The following DRICH1 variants were observed in gnomAD, a reference collection of about 807,000 sequenced individuals.
DRICH1 encodes aspartate-rich protein 1.
Under a neutral mutation model 39.5 loss-of-function variants are expected in DRICH1, and 38 were observed. The observed-to-expected ratio is 0.96, with a 90% CI of 0.74 to 1.26. The LOEUF is 1.26. DRICH1 is among the 50% of genes most tolerant of loss of function. The probability of loss-of-function intolerance (pLI) is 0.00; values close to 1 mark genes in which losing one functional copy is unlikely to be tolerated. For missense variants in DRICH1, 279 were observed against 270.4 expected, an observed-to-expected ratio of 1.03 and a Z score of -0.22; for synonymous variants, 84 against 99.5, an observed-to-expected ratio of 0.84 and a Z score of 0.93.
chr22:23,630,278 G>C (rs750382179), intron 1 of DRICH1, among the ~76,000 whole-genome samples: 1 of 152,192 alleles, frequency 6.6e-6, no homozygotes, highest in Non-Finnish European at 1.5e-5. Flanking sequence ...GGAACTCCCT[G>C]GTGTGGGGTC....
At chr22:23,581,779 G>A in the DRICH1 span, among the ~76,000 whole-genome samples, 6 of 151,220 alleles carry the variant, frequency 4.0e-5, no homozygotes, top group South Asian at 1.3e-3. Context: ...GCTAATTTTT[G>A]TATTTTTAGT....
At chr22:23,586,443 C>T in the DRICH1 span, among the ~76,000 whole-genome samples, 2 of 152,236 alleles carry the variant, frequency 1.3e-5, no homozygotes, top group African/African-American at 4.8e-5. Flanking sequence ...GAACTGTGAT[C>T]ACACCACTGC....
chr22:23,624,802 A>C (rs1927960678), intron 3 of DRICH1, 81 bp downstream of exon 3: 1 of 1,491,198 alleles, frequency 6.7e-7, no homozygotes, highest in Admixed American at 1.7e-5. Flanking sequence ...ATATTTTTTA[A>C]CAGGAATCCA....
the DRICH1 span, among the ~76,000 whole-genome samples, chr22:23,584,061 G>C: frequency 0.038 from 5,774 of 152,316 alleles, 348 homozygotes; most frequent in African/African-American, 0.13. Flanking sequence ...ATCTTTCTGT[G>C]GCGGGAAATC....
chr22:23,584,673 G>A, the DRICH1 span, among the ~76,000 whole-genome samples: 3 of 152,210 alleles, frequency 2.0e-5, no homozygotes, highest in Non-Finnish European at 4.4e-5. Flanking sequence ...TTAATTTTAT[G>A]TGTCAACTTG....
intron 11 of DRICH1, among the ~76,000 whole-genome samples, chr22:23,612,162 C>T (rs1295503023): frequency 6.6e-6 from 1 of 152,114 alleles, no homozygotes; most frequent in Non-Finnish European, 1.5e-5. Context: ...GAGATAGCCA[C>T]AATTACATTA....
intron 11 of DRICH1, among the ~76,000 whole-genome samples, chr22:23,610,753 C>A (rs1926984557): frequency 1.3e-5 from 2 of 152,148 alleles, no homozygotes; most frequent in Admixed American, 6.5e-5. Flanking sequence ...ATTCCACAGT[C>A]CCACATAGAA....
the DRICH1 span, among the ~76,000 whole-genome samples, chr22:23,588,427 G>A: frequency 6.6e-6 from 1 of 152,166 alleles, no homozygotes; most frequent in African/African-American, 2.4e-5. Flanking sequence ...TGCCCAGCCC[G>A]AGCTCTGATT....
At chr22:23,626,620 C>T (rs183022109) in intron 1 of DRICH1, among the ~76,000 whole-genome samples, 2 of 152,228 alleles carry the variant, frequency 1.3e-5, no homozygotes, top group African/African-American at 4.8e-5. Context: ...TGTCCATTGG[C>T]CAATCATTAA....
the DRICH1 span, among the ~76,000 whole-genome samples, chr22:23,595,986 T>C: frequency 6.6e-6 from 1 of 152,188 alleles, no homozygotes; most frequent in Non-Finnish European, 1.5e-5. Context: ...CCGCTCCAAA[T>C]GTCTGAAATC....
chr22:23,624,905 C>A lies in DRICH1; in HGVS notation c.277-1G>T, dbSNP rs1459759136. The A allele has an allele frequency of 1.2e-6, 2 of 1,613,380 alleles. No homozygotes were observed. Among genetic ancestry groups the A allele is most frequent in the African/African-American group, 2.7e-5 (2 of 74,898 alleles). On this transcript the variant is annotated splice_acceptor_variant, in intron 2 of 11. Coordinates refer to ENST00000317749, the MANE Select transcript of DRICH1 (RefSeq NM_016449.4). LOFTEE classifies it high-confidence loss of function. Reference sequence around the variant, plus strand: ...TACCCTGGACAGGTGATGGTAAAATCTGCAATGAGACAAAAGAAGATGCTA... The same window carrying A: ...TACCCTGGACAGGTGATGGTAAAATATGCAATGAGACAAAAGAAGATGCTA...
rs930908469 is a variant in DRICH1 at position 23,615,699 on chromosome 22, T to C, written c.541+1154A>G. 6.6e-4 allele frequency among the ~76,000 whole-genome samples: 101 copies of C among 152,304 alleles called. 1 individual carries two copies. The highest frequency in any genetic ancestry group is 2.4e-3 in the African/African-American group (100 of 41,562). On this transcript the variant is annotated intron_variant, in intron 8 of 11. Transcript: ENST00000317749. ...GAATTTTATATGTCTCAAGTAACCA[T>C]GATGATGTTAAAACAATAGTGTTAG...
rs1920999674 is a variant in DRICH1 at position 23,632,078 on chromosome 22, G to A, written c.-55C>T. 6.2e-7 allele frequency: 1 copy of A among 1,607,122 alleles called. No individual in the cohort carries two copies. The highest frequency in any genetic ancestry group is 1.7e-5 in the Admixed American group (1 of 59,198). ...CTCAGCCTTCAGCGAAATTGTAACT[G>A]TGCTGCCCTAGCAGCCACACTACTG... On this transcript the variant is annotated 5_prime_UTR_variant, in exon 1 of 12. Transcript: ENST00000317749.
the DRICH1 span, among the ~76,000 whole-genome samples, chr22:23,584,142 A>G: frequency 1.3e-5 from 2 of 151,788 alleles, no homozygotes; most frequent in East Asian, 3.9e-4. Context: ...GTGCAGCTGC[A>G]GCTCTCACCA....
chr22:23,612,099 GT>G (rs1284811836), intron 11 of DRICH1, among the ~76,000 whole-genome samples: 1 of 152,190 alleles, frequency 6.6e-6, no homozygotes, highest in Non-Finnish European at 1.5e-5. Context: ...ACAAAAGTGA[GT>G]GCTGGTGTTA....
chr22:23,595,703 T>C, the DRICH1 span, among the ~76,000 whole-genome samples: 4 of 152,178 alleles, frequency 2.6e-5, no homozygotes, highest in Non-Finnish European at 5.9e-5. Context: ...CCTGAGGAGA[T>C]AGGAAAGGTC....
intron 6 of DRICH1, 51 bp from the exon 7 acceptor site, chr22:23,617,708 G>A (rs1192588916): frequency 1.3e-6 from 2 of 1,568,344 alleles, no homozygotes. Flanking sequence ...GTGACTGTGA[G>A]TCACTCAGGG....
At position 23,616,935 on chromosome 22, in the gene DRICH1, C is replaced by T. The variant is rs1157681231; in HGVS notation, c.520-61G>A. ...GATCAATTCTGCCACACCCCTTACA[C>T]AGATCTGTTAGTCTCTTGATGACTT... On this transcript the variant is annotated intron_variant, in intron 7 of 11. Coordinates refer to ENST00000317749, the MANE Select transcript of DRICH1 (RefSeq NM_016449.4). The T allele has an allele frequency of 3.8e-6, 6 of 1,582,304 alleles. No individual in the cohort carries two copies. In the African/African-American group the frequency reaches 5.4e-5, roughly 14 times the overall value.
intron 8 of DRICH1, among the ~76,000 whole-genome samples, chr22:23,615,756 C>T (rs1007622769): frequency 1.3e-5 from 2 of 152,212 alleles, no homozygotes; most frequent in Non-Finnish European, 2.9e-5. Context: ...GAAATCCACA[C>T]ACACACACAA....
Sources: allele counts gnomAD v4.1 joint callset (sites outside exome capture counted in the v4.1 genomes callset), GRCh38; gene constraint gnomAD v4.1.1; transcripts MANE v1.5; gene names NCBI Gene and HGNC (gene_info 2026-07-23, HGNC 2026-07-21).